The following DIP2B variants were observed in gnomAD, a reference collection of about 807,000 sequenced individuals.
DIP2B encodes DIP2 acetate--CoA ligase B (putative).
DIP2B carries 76 observed loss-of-function variants against 198.0 expected under a neutral mutation model. The ratio of observed to expected loss-of-function variants is 0.38; its 90% CI spans 0.32 to 0.46. The LOEUF (loss-of-function observed/expected upper bound fraction) is 0.46, where lower values mean the gene tolerates loss of function less well. Among genes scored for constraint, DIP2B ranks in the 20% least tolerant of loss-of-function variants. The pLI is 0.99. For synonymous variants in DIP2B, 701 were observed against 739.1 expected (o/e 0.95, Z 0.84); for missense variants, 1,559 against 1,978.4 (o/e 0.79, Z 4.02).
Position 50,505,001 on chromosome 12 carries a change from T to TGGCGGCGGCGGCGGCAGCGGCGGCGGC in DIP2B, c.-125_-124insAGCGGCGGCGGCGGCGGCGGCGGCGGC. The TGGCGGCGGCGGCGGCAGCGGCGGCGGC allele has an allele frequency of 3.1e-6, 2 of 650,322 alleles. No individual in the cohort carries two copies. The highest frequency in any genetic ancestry group is 2.6e-6 in the Non-Finnish European group (1 of 384,764). 40.3% of individuals were successfully genotyped at this position (650,322 alleles called of 1,614,324 possible). On this transcript the variant is annotated 5_prime_UTR_variant, in exon 1 of 38. Transcript: ENST00000301180. ...GTCGCGCTCACGTGACCTTTGCTCATGGCGGCGGCGGCGGCGGCGGCGGTG... is the reference window on the plus strand; with the variant it reads ...GTCGCGCTCACGTGACCTTTGCTCATGGCGGCGGCGGCGGCAGCGGCGGCGGCGGCGGCGGCGGCGGCGGCGGCGGTG...
rs753680563 is a variant in DIP2B at position 50,746,538 on chromosome 12, C to A, written c.*1699C>A. 2.0e-5 allele frequency: 3 copies of A among 152,180 alleles called. No individual in the cohort carries two copies. Among genetic ancestry groups the A allele is most frequent in the Non-Finnish European group, 4.4e-5 (3 of 68,030 alleles). 9.4% of individuals were successfully genotyped at this position (152,180 alleles called of 1,614,324 possible). On this transcript the variant is annotated 3_prime_UTR_variant, in exon 38 of 38. Transcript: ENST00000301180. ...TGACTAAAAGCCACTTTGTGACTCC[C>A]TTCATGTAATCCTCTTTTCCTCCCC...
At chr12:50,738,112 C>T (rs1354904439) in intron 35 of DIP2B, among the ~76,000 whole-genome samples, 5 of 151,920 alleles carry the variant, frequency 3.3e-5, no homozygotes, top group African/African-American at 4.8e-5. Flanking sequence ...GAGGCCAAGG[C>T]GGGTGAATCA....
Position 50,660,850 on chromosome 12 carries a change from G to A in DIP2B, c.427+531G>A, listed in dbSNP as rs1476937796. ...CGTATATAAGTGTGTTTATGTGTGT[G>A]TGTGTTAATGTATTTTGTACACATT... On this transcript the variant is annotated intron_variant, in intron 4 of 37. Transcript: ENST00000301180. Among the ~76,000 whole-genome samples the A allele has an allele frequency of 2.6e-5, 4 of 152,172 alleles. No individual in the cohort carries two copies. The South Asian group carries it at 6.2e-4, about 24-fold the overall frequency.
At chr12:50,658,293 T>G (rs994838372) in intron 3 of DIP2B, among the ~76,000 whole-genome samples, 3 of 152,002 alleles carry the variant, frequency 2.0e-5, no homozygotes, top group African/African-American at 7.3e-5. Context: ...CGTGCTACCA[T>G]GCCTGGCTAA....
chr12:50,738,152 C>T (rs796203332), intron 35 of DIP2B, among the ~76,000 whole-genome samples: 22 of 151,878 alleles, frequency 1.4e-4, no homozygotes, highest in African/African-American at 2.4e-4. Flanking sequence ...CCATCCTGGC[C>T]AACATGAGGA....
intron 28 of DIP2B, among the ~76,000 whole-genome samples, chr12:50,726,939 C>T: frequency 6.6e-6 from 1 of 151,996 alleles, no homozygotes; most frequent in Admixed American, 6.6e-5. Context: ...ACAGTGAGAC[C>T]TCACCTCTAC....
chr12:50,626,246 AG>A (rs1053197056), intron 2 of DIP2B, among the ~76,000 whole-genome samples, 199 bp downstream of exon 2: 1 of 152,238 alleles, frequency 6.6e-6, no homozygotes, highest in Admixed American at 6.5e-5. Flanking sequence ...AAAATACCTA[AG>A]GTCATCAGAT....
At chr12:50,699,312 A>C in intron 19 of DIP2B, 110 bp downstream of exon 19, 1 of 1,468,636 alleles carries the variant, frequency 6.8e-7, no homozygotes, top group Non-Finnish European at 9.2e-7. Flanking sequence ...GAGAGTGTGT[A>C]CTCTGGAGCT....
In DIP2B at chr12:50,739,426, C is replaced by T. The variant is rs1008653879; in HGVS notation, c.4194C>T (p.Pro1398=). The part of the protein sequence containing the change: ...SHLGEIWVNS[P]HTASGYYTIY... ...TCTTGTAGATTTGGGTGAACAGTCCCCATACAGCCAGCGGCTACTACACCA... is the reference window on the plus strand; with the variant it reads ...TCTTGTAGATTTGGGTGAACAGTCCTCATACAGCCAGCGGCTACTACACCA... The change falls in exon 36 of 38, where the codon CCC becomes CCT. Residue 1398 remains proline, a synonymous_variant. Coordinates refer to ENST00000301180, the MANE Select transcript of DIP2B (RefSeq NM_173602.3). 2 of 1,613,154 alleles carry T rather than the reference C, an allele frequency of 1.2e-6. No individual in the cohort carries two copies. The highest frequency in any genetic ancestry group is 4.5e-5 in the East Asian group (2 of 44,834).
At chr12:50,607,739 CA>C (rs1958995977) in intron 1 of DIP2B, among the ~76,000 whole-genome samples, 1 of 152,328 alleles carries the variant, frequency 6.6e-6, no homozygotes, top group Middle Eastern at 3.4e-3. Context: ...AGTCTGAAAA[CA>C]GAGGAAACAC....
chr12:50,565,011 A>G (rs1593613231), intron 1 of DIP2B, among the ~76,000 whole-genome samples: 1 of 148,532 alleles, frequency 6.7e-6, no homozygotes, highest in Non-Finnish European at 1.5e-5. Flanking sequence ...TGGTGCCACT[A>G]TTTTTTTTTT....
chr12:50,596,292 A>G (rs1029247990), intron 1 of DIP2B, among the ~76,000 whole-genome samples: 1 of 152,248 alleles, frequency 6.6e-6, no homozygotes, highest in Admixed American at 6.5e-5. Context: ...CTTATGACTC[A>G]GTTTTGACTG....
At chr12:50,516,595 A>G (rs1323393283) in intron 1 of DIP2B, among the ~76,000 whole-genome samples, 1 of 152,052 alleles carries the variant, frequency 6.6e-6, no homozygotes, top group African/African-American at 2.4e-5. Flanking sequence ...AAGTTCCAAC[A>G]TAGGAATTTT....
chr12:50,657,223 C>CAAAAAAAAAAAAAAAA (rs57903571), intron 3 of DIP2B: 2 of 107,046 alleles, frequency 1.9e-5, no homozygotes, highest in Non-Finnish European at 1.9e-5. Context: ...TCTCTATTTA[C>CAAAAAAAAAAAAAAAA]AAAAAAAAAA....
intron 3 of DIP2B, among the ~76,000 whole-genome samples, chr12:50,656,447 A>G (rs575158243): frequency 4.6e-5 from 7 of 152,376 alleles, no homozygotes; most frequent in African/African-American, 1.7e-4. Context: ...AGGGACTCCT[A>G]TTGGCCAAGT....
At chr12:50,712,435 CT>C (rs1355507541) in intron 22 of DIP2B, among the ~76,000 whole-genome samples, 1 of 151,672 alleles carries the variant, frequency 6.6e-6, no homozygotes, top group Non-Finnish European at 1.5e-5. Flanking sequence ...AAAACCCTGT[CT>C]CTACTAAAAA....
chr12:50,731,155 T>C (rs950849845), intron 30 of DIP2B, among the ~76,000 whole-genome samples: 1 of 152,248 alleles, frequency 6.6e-6, no homozygotes, highest in Admixed American at 6.5e-5. Context: ...AAGAATGTTA[T>C]GTAGACTTAA....
In DIP2B at chr12:50,652,355, ACACACACACACACACG is replaced by A. The variant is rs1241092981; in HGVS notation, c.302-7824_302-7809del. ...TATATAATATATATAATACACACACACACACACACACACACGCACACACACACACAAATTAGCTGGA... is the reference window on the plus strand; with the variant it reads ...TATATAATATATATAATACACACACACACACACACACACAAATTAGCTGGA... On this transcript the variant is annotated intron_variant, in intron 3 of 37. Coordinates refer to ENST00000301180, the MANE Select transcript of DIP2B (RefSeq NM_173602.3). Among the ~76,000 whole-genome samples the A allele has an allele frequency of 2.0e-5, 3 of 148,350 alleles. No individual in the cohort carries two copies. The East Asian group carries it at 5.9e-4, about 29-fold the overall frequency.
intron 1 of DIP2B, among the ~76,000 whole-genome samples, chr12:50,523,258 A>G (rs892786509): frequency 6.6e-6 from 1 of 152,122 alleles, no homozygotes; most frequent in African/African-American, 2.4e-5. Context: ...TCAACTCTAG[A>G]TTACTTATAT....
Sources: allele counts gnomAD v4.1 joint callset (sites outside exome capture counted in the v4.1 genomes callset), GRCh38; gene constraint gnomAD v4.1.1; transcripts MANE v1.5; gene names NCBI Gene and HGNC (gene_info 2026-07-23, HGNC 2026-07-21).